The following GALNT13 variants were observed in gnomAD, a reference collection of about 807,000 sequenced individuals.
The protein encoded by GALNT13 is UDP-GalNAc:polypeptide N-acetylgalactosaminyltransferase 13.
Under a neutral mutation model 64.2 loss-of-function variants are expected in GALNT13, and 28 were observed. That is an observed-to-expected ratio of 0.44 (90% CI 0.32 to 0.60). The LOEUF is 0.60. Ranked by LOEUF, GALNT13 falls within the 20% of genes least tolerant of loss-of-function variation. The pLI is 0.05. For missense variants in GALNT13, 577 were observed against 669.8 expected, an observed-to-expected ratio of 0.86 and a Z score of 1.53; for synonymous variants, 214 against 224.6, an observed-to-expected ratio of 0.95 and a Z score of 0.42.
chr2:153,665,324 G>T, the GALNT13 span, among the ~76,000 whole-genome samples: 1 of 152,180 alleles, frequency 6.6e-6, no homozygotes, highest in Admixed American at 6.5e-5. Context: ...AAGAAAGGAA[G>T]CATGACCAGC....
chr2:153,768,401 G>A, the GALNT13 span, among the ~76,000 whole-genome samples: 141 of 152,164 alleles, frequency 9.3e-4, 1 homozygote, highest in African/African-American at 3.0e-3. Context: ...TTGAAGTCCC[G>A]TACTATTATT....
the GALNT13 span, among the ~76,000 whole-genome samples, chr2:153,321,851 A>T: frequency 8.5e-5 from 13 of 152,282 alleles, no homozygotes; most frequent in African/African-American, 3.1e-4. Flanking sequence ...CCTCCATGAA[A>T]GCTTTTGCAT....
At position 153,876,990 on chromosome 2, in the gene GALNT13, A is replaced by C. The variant is rs984253657; in HGVS notation, c.-177+4687A>C. On this transcript the variant is annotated intron_variant, in intron 1 of 12. Coordinates refer to ENST00000392825, the MANE Select transcript of GALNT13 (RefSeq NM_052917.4). ...ACACTACCATAATTACCTACCCTTC[A>C]GAAATGAACTCAAACACAATTCAAA... 1.6e-4 allele frequency among the ~76,000 whole-genome samples: 25 copies of C among 152,218 alleles called. No homozygotes were observed. The South Asian group carries it at 5.2e-3, about 32-fold the overall frequency.
chr2:153,716,144 T>C, the GALNT13 span, among the ~76,000 whole-genome samples: 1 of 152,206 alleles, frequency 6.6e-6, no homozygotes, highest in Admixed American at 6.5e-5. Flanking sequence ...CCTATCACTG[T>C]AAAGTAAAAG....
At chr2:153,212,740 T>C in the GALNT13 span, among the ~76,000 whole-genome samples, 1 of 152,214 alleles carries the variant, frequency 6.6e-6, no homozygotes, top group African/African-American at 2.4e-5. Context: ...GGATTCTTTT[T>C]ATTATTAATC....
chr2:153,800,601 T>C, the GALNT13 span, among the ~76,000 whole-genome samples: 1 of 152,198 alleles, frequency 6.6e-6, no homozygotes, highest in Non-Finnish European at 1.5e-5. Context: ...ACATTATCAA[T>C]TAAGTTTATG....
chr2:153,650,673 C>G, the GALNT13 span, among the ~76,000 whole-genome samples: 1 of 152,124 alleles, frequency 6.6e-6, no homozygotes, highest in Non-Finnish European at 1.5e-5. Context: ...GTGACAAAAT[C>G]TCAGCATTTG....
chr2:153,315,233 T>C, the GALNT13 span, among the ~76,000 whole-genome samples: 1 of 152,220 alleles, frequency 6.6e-6, no homozygotes, highest in African/African-American at 2.4e-5. Context: ...GTGGCTTATT[T>C]ATTTCTCACC....
the GALNT13 span, among the ~76,000 whole-genome samples, chr2:153,286,759 C>A: frequency 2.6e-5 from 4 of 152,026 alleles, no homozygotes; most frequent in African/African-American, 9.7e-5. Flanking sequence ...ATGCAAATGA[C>A]ACTTATGTGT....
At chr2:153,958,104 G>T (rs1692701020) in intron 3 of GALNT13, among the ~76,000 whole-genome samples, 1 of 152,198 alleles carries the variant, frequency 6.6e-6, no homozygotes, top group Admixed American at 6.5e-5. Context: ...TGGTGGTACT[G>T]GTTGGGCTTA....
the GALNT13 span, among the ~76,000 whole-genome samples, chr2:153,157,292 G>A: frequency 1.3e-5 from 2 of 152,138 alleles, no homozygotes; most frequent in African/African-American, 4.8e-5. Flanking sequence ...GTGTTTAGCT[G>A]AAATATCAAA....
the GALNT13 span, among the ~76,000 whole-genome samples, chr2:153,673,667 C>T: frequency 6.6e-6 from 1 of 152,172 alleles, no homozygotes; most frequent in Non-Finnish European, 1.5e-5. Flanking sequence ...TGCCCTCTCT[C>T]ACCACTCCTA....
the GALNT13 span, among the ~76,000 whole-genome samples, chr2:153,362,757 C>G: frequency 6.6e-6 from 1 of 151,682 alleles, no homozygotes; most frequent in Non-Finnish European, 1.5e-5. Flanking sequence ...TCTTAGAGAC[C>G]TATACTTAGA....
At chr2:154,114,448 C>T (rs1468688645) in intron 3 of GALNT13, among the ~76,000 whole-genome samples, 1 of 152,154 alleles carries the variant, frequency 6.6e-6, no homozygotes, top group African/African-American at 2.4e-5. Context: ...CGTTTTGTGT[C>T]CTCTGGAATC....
intron 4 of GALNT13, among the ~76,000 whole-genome samples, chr2:154,233,690 T>A (rs1016191244): frequency 6.6e-6 from 1 of 152,152 alleles, no homozygotes; most frequent in African/African-American, 2.4e-5. Flanking sequence ...CTCTTGTGTA[T>A]GATGTTTCTT....
chr2:153,855,971 G>T, the GALNT13 span, among the ~76,000 whole-genome samples: 1 of 152,140 alleles, frequency 6.6e-6, no homozygotes, highest in African/African-American at 2.4e-5. Context: ...TCTCACAAAT[G>T]ATCGCACAGT....
At chr2:153,267,046 G>C in the GALNT13 span, among the ~76,000 whole-genome samples, 1 of 152,216 alleles carries the variant, frequency 6.6e-6, no homozygotes, top group Non-Finnish European at 1.5e-5. Context: ...CCAAAACAAA[G>C]GGGCCACAGG....
chr2:153,972,629 A>G (rs1020366662), intron 3 of GALNT13, among the ~76,000 whole-genome samples: 1 of 152,032 alleles, frequency 6.6e-6, no homozygotes, highest in African/African-American at 2.4e-5. Flanking sequence ...ATGTCATAAT[A>G]TGTGCATGTA....
the GALNT13 span, among the ~76,000 whole-genome samples, chr2:153,690,332 T>C: frequency 6.6e-6 from 1 of 152,164 alleles, no homozygotes; most frequent in Admixed American, 6.6e-5. Context: ...GATGATGCTA[T>C]CTTTCTTCAA....
Sources: gnomAD v4.1 joint callset for allele counts (sites outside exome capture counted in the v4.1 genomes callset) on GRCh38, gnomAD v4.1.1 for gene constraint, MANE v1.5 for transcripts, NCBI Gene and HGNC (gene_info 2026-07-23, HGNC 2026-07-21) for gene names.